EPS8: variants seen among roughly 807,000 people sequenced by gnomAD.
EPS8 encodes epidermal growth factor receptor kinase substrate 8.
A neutral mutation model predicts 103.8 loss-of-function variants in EPS8; 42 were observed. That is an observed-to-expected ratio of 0.40 (90% CI 0.32 to 0.52). The LOEUF (loss-of-function observed/expected upper bound fraction) is 0.52, where lower values mean the gene tolerates loss of function less well. EPS8 is among the 20% of genes least tolerant of loss of function. The pLI is 0.40. For missense variants in EPS8, 969 were observed against 1,005.1 expected (o/e 0.96, Z 0.49); for synonymous variants, 344 against 344.6 (o/e 1.00, Z 0.02).
chr12:15,781,328 ACT>A lies in EPS8; in HGVS notation c.-22+7831_-22+7832del, dbSNP rs891770744. ...TAAATAAAAGAATGTAATTAAGGAC[ACT>A]CTGGCCATCCTTGCCCTTTTTCTTT... is the stretch of plus-strand genomic sequence containing the variant. On this transcript the variant is annotated intron_variant, in intron 1 of 20. Transcript: ENST00000281172. This position sits in a 1 kb window ranked among gnomAD's most constrained non-coding sequence, Gnocchi z 4.1. 6.6e-6 allele frequency among the ~76,000 whole-genome samples: 1 copy of A among 152,072 alleles called. No individual in the cohort carries two copies. Among genetic ancestry groups the A allele is most frequent in the African/African-American group, 2.4e-5 (1 of 41,396 alleles).
In EPS8 at chr12:15,712,886, C is replaced by T. The variant is rs567333503; in HGVS notation, c.-21-29914G>A. The T allele has an allele frequency of 4.3e-5, 42 of 985,286 alleles. No homozygotes were observed. The South Asian group carries it at 8.5e-4, about 20-fold the overall frequency. The allele number at this position is 985,286 out of a possible 1,614,324, so 61.0% of individuals were successfully genotyped here. A position where few individuals can be genotyped will look rare whatever the true frequency, so the allele number is the denominator to read the frequency against. ...TTCAGGAAATACTCCTCTAAGCAAT[C>T]GTCCAGGCAATATTGAGAGGCCATT... On this transcript the variant is annotated intron_variant, in intron 1 of 20. Coordinates refer to ENST00000281172, the MANE Select transcript of EPS8 (RefSeq NM_004447.6).
At position 15,776,159 on chromosome 12, in the gene EPS8, C is replaced by G. The variant is rs1947204696; in HGVS notation, c.-22+13002G>C. On this transcript the variant is annotated intron_variant, in intron 1 of 20. Transcript: ENST00000281172. The surrounding 1 kb of genome is among the most constrained non-coding windows in gnomAD (Gnocchi z 4.2). ...AAGAAATTTTTGCCCAAGTATTCTCCTTTCCAGTGATTGGTATGGTTGATA... is the reference window on the plus strand; with the variant it reads ...AAGAAATTTTTGCCCAAGTATTCTCGTTTCCAGTGATTGGTATGGTTGATA... Among the ~76,000 whole-genome samples the G allele has an allele frequency of 6.6e-6, 1 of 152,096 alleles. No individual in the cohort carries two copies. The highest frequency in any genetic ancestry group is 1.5e-5 in the Non-Finnish European group (1 of 68,012).
At chr12:15,630,817 G>A (rs1945032236) in intron 18 of EPS8, among the ~76,000 whole-genome samples, 1 of 152,176 alleles carries the variant, frequency 6.6e-6, no homozygotes, top group Non-Finnish European at 1.5e-5. Flanking sequence ...CAGCACCATT[G>A]ATATTTTGGG....
rs1031853538 is a variant in EPS8 at position 15,698,937 on chromosome 12, G to A, written c.-21-15965C>T. On this transcript the variant is annotated intron_variant, in intron 1 of 20. Transcript: ENST00000281172. The surrounding 1 kb of genome is among the most constrained non-coding windows in gnomAD (Gnocchi z 4.9). Reference sequence around the variant, plus strand: ...AAAATCAAAGATTCCAACTAATCAAGGCCCAGATGCTTCAGATTTGAAAAA... The same window carrying A: ...AAAATCAAAGATTCCAACTAATCAAAGCCCAGATGCTTCAGATTTGAAAAA... 2.0e-5 allele frequency among the ~76,000 whole-genome samples: 3 copies of A among 152,132 alleles called. No individual in the cohort carries two copies. Among genetic ancestry groups the A allele is most frequent in the Admixed American group, 2.0e-4 (3 of 15,268 alleles).
At position 15,669,453 on chromosome 12, in the gene EPS8, T is replaced by C; in HGVS notation, c.450A>G (p.Ala150=). 3 of 1,614,058 alleles carry C rather than the reference T, an allele frequency of 1.9e-6. No homozygotes were observed. The highest frequency in any genetic ancestry group is 2.5e-6 in the Non-Finnish European group (3 of 1,179,936). Residue 150 remains alanine (A), a synonymous_variant, in exon 6 of 21, where the codon GCA becomes GCG. Transcript: ENST00000281172. The stretch of plus-strand genomic sequence containing the variant: ...TCTGGGTTGGCTCTTTGCACACCAG[T>C]GCAAGAACTGAATCATAGCTGCATG... ...MHSCSYDSVL[A]LVCKEPTQNK... is the part of the protein sequence containing the mutation.
chr12:15,653,813 G>T (rs1300618049), intron 13 of EPS8, among the ~76,000 whole-genome samples: 2 of 152,214 alleles, frequency 1.3e-5, no homozygotes, highest in African/African-American at 4.8e-5. Flanking sequence ...GCGCGCGCAT[G>T]TGTATGTGTG....
Position 15,713,648 on chromosome 12 carries a change from T to C in EPS8, c.-21-30676A>G, listed in dbSNP as rs1277447462. Among the ~76,000 whole-genome samples, 1 of 152,114 alleles carries C rather than the reference T, an allele frequency of 6.6e-6. No individual in the cohort carries two copies. Among genetic ancestry groups the C allele is most frequent in the Non-Finnish European group, 1.5e-5 (1 of 68,030 alleles). ...ACAACTCTAAAGCAGTCCTGATACT[T>C]ATGCAGGGACAGAAGGGGAGGCCCT... On this transcript the variant is annotated intron_variant, in intron 1 of 20. Transcript: ENST00000281172. This position sits in a 1 kb window ranked among gnomAD's most constrained non-coding sequence, Gnocchi z 4.8.
intron 6 of EPS8, 67 bp from the exon 7 acceptor site, chr12:15,666,589 CAG>C (rs570153442): frequency 9.1e-7 from 1 of 1,103,616 alleles, no homozygotes; most frequent in South Asian, 1.3e-5. Context: ...TAGTTTAAAA[CAG>C]AAAAAGGGAT....
At chr12:15,711,289 C>T (rs1565512829) in intron 1 of EPS8, among the ~76,000 whole-genome samples, 4 of 152,032 alleles carry the variant, frequency 2.6e-5, no homozygotes, top group Admixed American at 2.0e-4. Flanking sequence ...TGACAAATGA[C>T]ATCACTGAAA....
chr12:15,678,525 A>C (rs1452195436), intron 3 of EPS8, among the ~76,000 whole-genome samples: 1 of 152,202 alleles, frequency 6.6e-6, no homozygotes, highest in African/African-American at 2.4e-5. Flanking sequence ...TACAGTATAC[A>C]AAATTGTTAC....
intron 3 of EPS8, 90 bp from the exon 4 acceptor site, chr12:15,671,013 T>C: frequency 1.2e-6 from 1 of 846,382 alleles, no homozygotes; most frequent in South Asian, 1.5e-5. Context: ...AAAACTAGTC[T>C]ATCTCACATA....
At chr12:15,665,944 TATC>T (rs775386262) in intron 7 of EPS8, 52 bp from the exon 8 acceptor site, 4 of 1,568,556 alleles carry the variant, frequency 2.6e-6, no homozygotes, top group Non-Finnish European at 3.5e-6. Context: ...TTCTATAACA[TATC>T]AATTAACTCA....
chr12:15,630,254 T>C (rs997506801), intron 18 of EPS8, among the ~76,000 whole-genome samples: 4 of 152,050 alleles, frequency 2.6e-5, no homozygotes, highest in Non-Finnish European at 5.9e-5. Context: ...TATACTTTTG[T>C]CATATTGGGG....
At chr12:15,641,574 TA>T (rs1945230946) in intron 16 of EPS8, 147 bp downstream of exon 16, 1 of 423,896 alleles carries the variant, frequency 2.4e-6, no homozygotes, top group East Asian at 3.7e-5. Flanking sequence ...GGAGTATCTA[TA>T]TACCCCTACT....
At chr12:15,646,471 T>G (rs1221941777) in intron 15 of EPS8, among the ~76,000 whole-genome samples, 6 of 152,102 alleles carry the variant, frequency 3.9e-5, no homozygotes, top group African/African-American at 1.4e-4. Context: ...ATGGCTTGGC[T>G]CTATGTAGAT....
chr12:15,754,605 C>T (rs993860819), intron 1 of EPS8, among the ~76,000 whole-genome samples: 3 of 152,170 alleles, frequency 2.0e-5, no homozygotes, highest in African/African-American at 7.2e-5. Flanking sequence ...TAAAGAGATC[C>T]AGAGAACTCT....
At position 15,771,837 on chromosome 12, in the gene EPS8, G is replaced by A. The variant is rs1426405085; in HGVS notation, c.-22+17324C>T. On this transcript the variant is annotated intron_variant, in intron 1 of 20. Coordinates refer to ENST00000281172, the MANE Select transcript of EPS8 (RefSeq NM_004447.6). This position sits in a 1 kb window ranked among gnomAD's most constrained non-coding sequence, Gnocchi z 4.6. Reference sequence around the variant, plus strand: ...AGAGCTAATTTCAATACAAAAGAAAGGGGAAGGCCGGGGGCGGTGGCTCAT... The same window carrying A: ...AGAGCTAATTTCAATACAAAAGAAAAGGGAAGGCCGGGGGCGGTGGCTCAT... Among the ~76,000 whole-genome samples, 3 of 152,120 alleles carry A rather than the reference G, an allele frequency of 2.0e-5. No homozygotes were observed. Among genetic ancestry groups the A allele is most frequent in the African/African-American group, 7.2e-5 (3 of 41,410 alleles).
At chr12:15,741,296 C>T (rs1591911921) in intron 1 of EPS8, among the ~76,000 whole-genome samples, 1 of 152,192 alleles carries the variant, frequency 6.6e-6, no homozygotes, top group African/African-American at 2.4e-5. Context: ...AGCCACCCCC[C>T]TCCACTAGGG....
chr12:15,788,931 G>A, intron 1 of EPS8, among the ~76,000 whole-genome samples: 1 of 152,146 alleles, frequency 6.6e-6, no homozygotes, highest in Non-Finnish European at 1.5e-5. Context: ...CCCTGGGCGC[G>A]GGTCTGCACG....
Sources: allele counts gnomAD v4.1 joint callset (sites outside exome capture counted in the v4.1 genomes callset), GRCh38; gene constraint gnomAD v4.1.1; non-coding constraint Gnocchi (gnomAD v3.1); transcripts MANE v1.5; gene names NCBI Gene and HGNC (gene_info 2026-07-23, HGNC 2026-07-21).